Variants in MICU2 observed in about 807,000 individuals in gnomAD.
MICU2 encodes the protein calcium uptake protein 2, mitochondrial.
In MICU2, 64 loss-of-function variants were observed where a neutral mutation model predicts 60.4. The ratio of observed to expected loss-of-function variants is 1.06; its 90% CI spans 0.87 to 1.31. The LOEUF (loss-of-function observed/expected upper bound fraction) is 1.31, where lower values mean the gene tolerates loss of function less well. MICU2 is among the 50% of genes most tolerant of loss of function. The pLI is 0.00. For synonymous variants in MICU2, 201 were observed against 175.0 expected (o/e 1.15, Z -1.17); for missense variants, 569 against 531.0 (o/e 1.07, Z -0.70).
At chr13:21,601,268 T>C (rs1368050849) in intron 1 of MICU2, among the ~76,000 whole-genome samples, 17 of 152,222 alleles carry the variant, frequency 1.1e-4, no homozygotes, top group Admixed American at 1.1e-3. Flanking sequence ...GTAGTGGTAG[T>C]AGGCCCACTT....
chr13:21,570,739 T>C (rs1345886379), intron 1 of MICU2, among the ~76,000 whole-genome samples: 1 of 152,122 alleles, frequency 6.6e-6, no homozygotes, highest in African/African-American at 2.4e-5. Flanking sequence ...TTAGAGATCA[T>C]CTAGTCCAAC....
At chr13:21,588,722 C>G (rs1888510125) in intron 1 of MICU2, among the ~76,000 whole-genome samples, 1 of 152,168 alleles carries the variant, frequency 6.6e-6, no homozygotes, top group Non-Finnish European at 1.5e-5. Flanking sequence ...GTCCAGTTGG[C>G]TATCCCTTTC....
chr13:21,518,978 A>T (rs2138161863), intron 6 of MICU2, among the ~76,000 whole-genome samples: 1 of 152,182 alleles, frequency 6.6e-6, no homozygotes, highest in Non-Finnish European at 1.5e-5. Flanking sequence ...CTGCTCTGTA[A>T]TGGTTCCAAC....
chr13:21,556,610 A>G (rs1050984389), intron 2 of MICU2, among the ~76,000 whole-genome samples: 2 of 152,160 alleles, frequency 1.3e-5, no homozygotes, highest in African/African-American at 4.8e-5. Flanking sequence ...AAGTGATGGA[A>G]CTAGAGAAGG....
chr13:21,558,962 G>A (rs745705443), intron 2 of MICU2, among the ~76,000 whole-genome samples: 10 of 152,086 alleles, frequency 6.6e-5, no homozygotes, highest in Non-Finnish European at 1.0e-4. Context: ...TGAGGGGAGA[G>A]GAAACCCTCT....
intron 9 of MICU2, among the ~76,000 whole-genome samples, chr13:21,497,448 A>G (rs1333695908): frequency 6.6e-6 from 1 of 152,050 alleles, no homozygotes; most frequent in African/African-American, 2.4e-5. Flanking sequence ...GTGGTTCCTG[A>G]CTGCAATCAC....
chr13:21,596,302 T>A (rs1382449673), intron 1 of MICU2, among the ~76,000 whole-genome samples: 2 of 151,982 alleles, frequency 1.3e-5, no homozygotes, highest in African/African-American at 4.8e-5. Flanking sequence ...TCCTTCCTTC[T>A]CCCTCCATCT....
At chr13:21,541,066 A>T (rs1887270302) in intron 2 of MICU2, among the ~76,000 whole-genome samples, 1 of 152,148 alleles carries the variant, frequency 6.6e-6, no homozygotes, top group South Asian at 2.1e-4. Flanking sequence ...TAAAAAGCGG[A>T]TTAATCCTTA....
intron 8 of MICU2, among the ~76,000 whole-genome samples, chr13:21,504,915 C>G (rs1299433695): frequency 6.6e-6 from 1 of 152,182 alleles, no homozygotes; most frequent in Non-Finnish European, 1.5e-5. Flanking sequence ...AACATATTTA[C>G]TAGCACACCA....
chr13:21,576,205 T>C (rs999991620), intron 1 of MICU2, among the ~76,000 whole-genome samples: 1 of 152,240 alleles, frequency 6.6e-6, no homozygotes, highest in African/African-American at 2.4e-5. Flanking sequence ...TTCAGTGTTA[T>C]ATAATTAAAT....
intron 2 of MICU2, among the ~76,000 whole-genome samples, chr13:21,546,989 C>T (rs1287609525): frequency 6.6e-6 from 1 of 151,728 alleles, no homozygotes; most frequent in Non-Finnish European, 1.5e-5. Flanking sequence ...CTTTTTCTTC[C>T]CTTTTTGCAT....
chr13:21,549,175 C>T (rs1489674463), intron 2 of MICU2, among the ~76,000 whole-genome samples: 4 of 152,128 alleles, frequency 2.6e-5, no homozygotes, highest in South Asian at 4.2e-4. Context: ...GTGATCCGCC[C>T]GCCTTGGCCT....
intron 1 of MICU2, among the ~76,000 whole-genome samples, chr13:21,597,296 C>T (rs1369409231): frequency 2.0e-5 from 3 of 151,858 alleles, no homozygotes; most frequent in Non-Finnish European, 4.4e-5. Flanking sequence ...CAGATAAGAG[C>T]GAAGTCTCTT....
chr13:21,585,701 G>C (rs1341938154), intron 1 of MICU2, among the ~76,000 whole-genome samples: 2 of 152,124 alleles, frequency 1.3e-5, no homozygotes, highest in Non-Finnish European at 2.9e-5. Context: ...ACATGCAATA[G>C]ACAAAGATTC....
At chr13:21,583,536 T>A (rs1004125467) in intron 1 of MICU2, among the ~76,000 whole-genome samples, 6 of 152,204 alleles carry the variant, frequency 3.9e-5, no homozygotes, top group African/African-American at 1.4e-4. Context: ...CTTCAACATA[T>A]GTAGGCTGCT....
chr13:21,561,682 G>A (rs1454520371), intron 2 of MICU2, among the ~76,000 whole-genome samples: 1 of 119,158 alleles, frequency 8.4e-6, no homozygotes, highest in African/African-American at 3.5e-5. Context: ...TACATTTAAA[G>A]TGGGTTTCTT....
intron 1 of MICU2, among the ~76,000 whole-genome samples, chr13:21,577,984 T>C (rs1442557121): frequency 1.5e-5 from 2 of 130,480 alleles, no homozygotes; most frequent in African/African-American, 2.5e-5. Flanking sequence ...AAAAAAAATT[T>C]AAAATAATAA....
rs554357140 is a variant in MICU2 at position 21,501,983 on chromosome 13, T to A, written c.933+943A>T. Among the ~76,000 whole-genome samples, 5 of 152,310 alleles carry A rather than the reference T, an allele frequency of 3.3e-5. No individual in the cohort carries two copies. In the South Asian group the frequency reaches 1.0e-3, roughly 32 times the overall value. On this transcript the variant is annotated intron_variant, in intron 9 of 11. Transcript: ENST00000382374. The stretch of plus-strand genomic sequence containing the variant: ...ACAGGGGGATTTCAGGGTTAATTTG[T>A]AACTGCAGTAAACTTGGGCTGTTCT...
chr13:21,584,186 G>A (rs559532496), intron 1 of MICU2, among the ~76,000 whole-genome samples: 239 of 152,040 alleles, frequency 1.6e-3, no homozygotes, highest in African/African-American at 5.5e-3. Context: ...TCAGGAGATC[G>A]AGACCATCAT....
Sources: allele counts gnomAD v4.1 joint callset (sites outside exome capture counted in the v4.1 genomes callset), GRCh38; gene constraint gnomAD v4.1.1; transcripts MANE v1.5; gene names NCBI Gene and HGNC (gene_info 2026-07-23, HGNC 2026-07-21).